The following TUBG1 variants were observed in gnomAD, a reference collection of about 807,000 sequenced individuals.
TUBG1 encodes the protein tubulin gamma-1 chain.
TUBG1 carries 22 observed loss-of-function variants against 53.3 expected under a neutral mutation model. The observed-to-expected ratio is 0.41, with a 90% CI of 0.29 to 0.59. The LOEUF (loss-of-function observed/expected upper bound fraction) is 0.59. Ranked by LOEUF, TUBG1 falls within the 20% of genes least tolerant of loss-of-function variation. The pLI is 0.26. For synonymous variants in TUBG1, 198 were observed against 236.7 expected, an observed-to-expected ratio of 0.84 and a Z score of 1.50; for missense variants, 217 against 598.9, an observed-to-expected ratio of 0.36 and a Z score of 6.66.
At position 42,609,696 on chromosome 17, in the gene TUBG1, G is replaced by T. The variant is rs1370534144; in HGVS notation, c.-42G>T. On this transcript the variant is annotated 5_prime_UTR_variant, in exon 1 of 11. Coordinates refer to ENST00000251413, the MANE Select transcript of TUBG1 (RefSeq NM_001070.5). The stretch of plus-strand genomic sequence containing the variant: ...GGCGAGCGGGCTGGCGTGCGGCGCC[G>T]TTGCGGGCGGGAGCGGCTGCAACGC... 1.3e-6 allele frequency: 2 copies of T among 1,536,498 alleles called. No homozygotes were observed. Among genetic ancestry groups the T allele is most frequent in the South Asian group, 1.2e-5 (1 of 82,310 alleles).
rs541631154 is a variant in TUBG1 at position 42,614,680 on chromosome 17, T to G, written c.1158+23T>G. On this transcript the variant is annotated intron_variant, in intron 10 of 10. Transcript: ENST00000251413. This position sits in a 1 kb window ranked among gnomAD's most constrained non-coding sequence, Gnocchi z 5.1. Reference sequence around the variant, plus strand: ...TCGGTGAGTCTCAAAGTTTGCACCTTTTTTCCCTGAATCAGTTTCCTGACT... The same window carrying G: ...TCGGTGAGTCTCAAAGTTTGCACCTGTTTTCCCTGAATCAGTTTCCTGACT... The G allele has an allele frequency of 1.2e-6, 2 of 1,613,040 alleles. No individual in the cohort carries two copies. Among genetic ancestry groups the G allele is most frequent in the South Asian group, 2.2e-5 (2 of 91,040 alleles).
At position 42,614,432 on chromosome 17, in the gene TUBG1, C is replaced by T; in HGVS notation, c.996+20C>T. ...ACCCAGGTAGGGGAGGCCCCTTCAT[C>T]CCACACCCTGGACCTGCAGGGGTAG... On this transcript the variant is annotated intron_variant, in intron 9 of 10. Transcript: ENST00000251413. This position sits in a 1 kb window ranked among gnomAD's most constrained non-coding sequence, Gnocchi z 5.1. 1 of 1,614,164 alleles carries T rather than the reference C, an allele frequency of 6.2e-7. No homozygotes were observed. Among genetic ancestry groups the T allele is most frequent in the Non-Finnish European group, 8.5e-7 (1 of 1,179,994 alleles).
intron 4 of TUBG1, 82 bp downstream of exon 4, chr17:42,612,225 G>GTCATGT (rs2052041989): frequency 6.8e-7 from 1 of 1,465,112 alleles, no homozygotes; most frequent in South Asian, 1.1e-5. Context: ...TTAGGAACAA[G>GTCATGT]ACCCACTCAT....
Position 42,615,005 on chromosome 17 carries a change from G to T in TUBG1, c.1320G>T (p.Arg440=). 6.2e-7 allele frequency: 1 copy of T among 1,614,148 alleles called. No homozygotes were observed. The highest frequency in any genetic ancestry group is 1.3e-5 in the African/African-American group (1 of 75,052). ...QLIDEYHAAT[R]PDYISWGTQE... is the part of the protein sequence containing the mutation. Reference sequence around the variant, plus strand: ...TCGATGAGTACCATGCGGCCACACGGCCAGACTACATCTCCTGGGGCACCC... The same window carrying T: ...TCGATGAGTACCATGCGGCCACACGTCCAGACTACATCTCCTGGGGCACCC... The change falls in exon 11 of 11, where the codon CGG becomes CGT. Residue 440 remains arginine (R), a synonymous_variant. Transcript: ENST00000251413.
Position 42,609,797 on chromosome 17 carries a change from C to A in TUBG1, c.49+11C>A, listed in dbSNP as rs1202777820. The A allele has an allele frequency of 6.4e-7, 1 of 1,551,116 alleles. No individual in the cohort carries two copies. The highest frequency in any genetic ancestry group is 1.7e-4 in the Middle Eastern group (1 of 5,992). ...AGTGCGGCAATCAGAGTGAGCGAAA[C>A]TCCGGCCCCTCAGCTAGCCAGGTTC... On this transcript the variant is annotated intron_variant, in intron 1 of 10. Coordinates refer to ENST00000251413, the MANE Select transcript of TUBG1 (RefSeq NM_001070.5).
chr17:42,613,754 T>G (rs1203602773), intron 7 of TUBG1, 21 bp downstream of exon 7: 4 of 1,614,092 alleles, frequency 2.5e-6, no homozygotes, highest in Non-Finnish European at 3.4e-6. Context: ...ACTCCTGGAC[T>G]CCTTTGGACT....
Position 42,614,415 on chromosome 17 carries a change from AG to A in TUBG1, c.996+7del. On this transcript the variant is annotated splice_donor_region_variant and intron_variant, in intron 9 of 10. Coordinates refer to ENST00000251413, the MANE Select transcript of TUBG1 (RefSeq NM_001070.5). This position sits in a 1 kb window ranked among gnomAD's most constrained non-coding sequence, Gnocchi z 5.1. ...AGGGAGAGGTGGACCCCACCCAGGTAGGGGAGGCCCCTTCATCCCACACCCT... is the reference window on the plus strand; with the variant it reads ...AGGGAGAGGTGGACCCCACCCAGGTAGGGAGGCCCCTTCATCCCACACCCT... 6.2e-7 allele frequency: 1 copy of A among 1,613,956 alleles called. No homozygotes were observed. Among genetic ancestry groups the A allele is most frequent in the African/African-American group, 1.3e-5 (1 of 74,920 alleles).
In TUBG1 at chr17:42,614,909, C is replaced by CCG. The variant is rs778862321; in HGVS notation, c.1226_1227dup (p.Lys410AlafsTer102). On this transcript the variant is annotated frameshift_variant, in exon 11 of 11. Coordinates refer to ENST00000251413, the MANE Select transcript of TUBG1 (RefSeq NM_001070.5). LOFTEE classifies it high-confidence loss of function. This position sits in a 1 kb window ranked among gnomAD's most constrained non-coding sequence, Gnocchi z 5.1. ...AGCGGGAGGCCTTCCTGGAGCAGTT[C>CCG]CGCAAGGAGGACATGTTCAAGGACA... 3 of 1,614,124 alleles carry CCG rather than the reference C, an allele frequency of 1.9e-6. No homozygotes were observed. The African/African-American group carries it at 4.0e-5, about 22-fold the overall frequency.
chr17:42,614,072 T>A lies in TUBG1; in HGVS notation c.843+74T>A. On this transcript the variant is annotated intron_variant, in intron 8 of 10. Coordinates refer to ENST00000251413, the MANE Select transcript of TUBG1 (RefSeq NM_001070.5). The surrounding 1 kb of genome is among the most constrained non-coding windows in gnomAD (Gnocchi z 5.1). ...AGGCCCTGTCCTAGCCTTTCTCTCT[T>A]CCCCACTGCCCCAGGAGCTACCCTT... is the stretch of plus-strand genomic sequence containing the variant. 1 of 1,605,764 alleles carries A rather than the reference T, an allele frequency of 6.2e-7. No individual in the cohort carries two copies. Among genetic ancestry groups the A allele is most frequent in the Non-Finnish European group, 8.5e-7 (1 of 1,175,332 alleles).
rs564223919 is a variant in TUBG1, at chr17:42,610,089, G to A, written c.50-19G>A. On this transcript the variant is annotated intron_variant, in intron 1 of 10. Coordinates refer to ENST00000251413, the MANE Select transcript of TUBG1 (RefSeq NM_001070.5). ...GACCTAGATATCTTCTTTCTCCCCT[G>A]CCCGCCCCTTCCCCCCAGTTGGGTT... 17 of 1,613,824 alleles carry A rather than the reference G, an allele frequency of 1.1e-5. No individual in the cohort carries two copies. In the African/African-American group the frequency reaches 1.9e-4, roughly 18 times the overall value.
At chr17:42,609,942 C>A (rs1188799634) in intron 1 of TUBG1, among the ~76,000 whole-genome samples, 156 bp downstream of exon 1, 4 of 152,174 alleles carry the variant, frequency 2.6e-5, no homozygotes, top group Non-Finnish European at 5.9e-5. Flanking sequence ...CCCCGAGGGG[C>A]CCTCCCCTGC....
intron 3 of TUBG1, 21 bp downstream of exon 3, chr17:42,610,611 A>G (rs1289318943): frequency 6.2e-7 from 1 of 1,614,058 alleles, no homozygotes; most frequent in Non-Finnish European, 8.5e-7. Flanking sequence ...ATTCCCTGGC[A>G]GGGCCCACAA....
At position 42,611,971 on chromosome 17, in the gene TUBG1, A is replaced by C. The variant is rs957172648; in HGVS notation, c.331-104A>C. 9 of 1,017,962 alleles carry C rather than the reference A, an allele frequency of 8.8e-6. No individual in the cohort carries two copies. The African/African-American group carries it at 1.1e-4, about 12-fold the overall frequency. 63.1% of individuals were successfully genotyped at this position (1,017,962 alleles called of 1,614,324 possible). On this transcript the variant is annotated intron_variant, in intron 3 of 10. Transcript: ENST00000251413. ...ATAAAAGCAGGTAGCTATGCTCCAT[A>C]AAAGGACTTCTGGGTGTTATAAGGA...
chr17:42,614,918 G>A lies in TUBG1; in HGVS notation c.1233G>A (p.Glu411=). 6.2e-7 allele frequency: 1 copy of A among 1,614,256 alleles called. No individual in the cohort carries two copies. The highest frequency in any genetic ancestry group is 8.5e-7 in the Non-Finnish European group (1 of 1,180,044). Residue 411 remains glutamate (E), a synonymous_variant, in exon 11 of 11, where the codon GAG becomes GAA. Transcript: ENST00000251413. This position sits in a 1 kb window ranked among gnomAD's most constrained non-coding sequence, Gnocchi z 5.1. ...CCTTCCTGGAGCAGTTCCGCAAGGA[G>A]GACATGTTCAAGGACAACTTTGATG... The part of the protein sequence containing the change: ...REAFLEQFRK[E]DMFKDNFDEM...
At chr17:42,613,112 C>T (rs764885152) in intron 6 of TUBG1, 39 bp downstream of exon 6, 1 of 1,598,654 alleles carries the variant, frequency 6.3e-7, no homozygotes. Flanking sequence ...TCTCAACACC[C>T]CATACCCACT....
At position 42,610,091 on chromosome 17, in the gene TUBG1, C is replaced by G; in HGVS notation, c.50-17C>G. 1 of 1,613,990 alleles carries G rather than the reference C, an allele frequency of 6.2e-7. No homozygotes were observed. Among genetic ancestry groups the G allele is most frequent in the Non-Finnish European group, 8.5e-7 (1 of 1,179,898 alleles). On this transcript the variant is annotated splice_polypyrimidine_tract_variant and intron_variant, in intron 1 of 10. Coordinates refer to ENST00000251413, the MANE Select transcript of TUBG1 (RefSeq NM_001070.5). ...CCTAGATATCTTCTTTCTCCCCTGC[C>G]CGCCCCTTCCCCCCAGTTGGGTTCG...
intron 1 of TUBG1, 48 bp from the exon 2 acceptor site, chr17:42,610,060 C>G (rs2052019034): frequency 1.2e-6 from 2 of 1,607,800 alleles, no homozygotes; most frequent in Non-Finnish European, 1.7e-6. Flanking sequence ...TTGGAACCTG[C>G]CCGGACCTAG....
Position 42,612,505 on chromosome 17 carries a change from A to C in TUBG1, c.478A>C (p.Arg160=), listed in dbSNP as rs1332750953. The change falls in exon 5 of 11, where the codon AGG becomes CGG. Residue 160 remains arginine, a splice_region_variant and synonymous_variant. Transcript: ENST00000251413. ...CTACCTCTTAGAACGGCTGAATGAC[A>C]GGTAAGTTTGTGTTTGGGGATTAGG... The part of the protein sequence containing the change: ...GSYLLERLND[R]YPKKLVQTYS... 1 of 1,614,030 alleles carries C rather than the reference A, an allele frequency of 6.2e-7. No homozygotes were observed. Among genetic ancestry groups the C allele is most frequent in the Non-Finnish European group, 8.5e-7 (1 of 1,179,950 alleles).
chr17:42,614,026 C>A lies in TUBG1; in HGVS notation c.843+28C>A, dbSNP rs1359824433. The A allele has an allele frequency of 6.2e-7, 1 of 1,613,984 alleles. No homozygotes were observed. Among genetic ancestry groups the A allele is most frequent in the Non-Finnish European group, 8.5e-7 (1 of 1,179,988 alleles). On this transcript the variant is annotated intron_variant, in intron 8 of 10. Transcript: ENST00000251413. This position sits in a 1 kb window ranked among gnomAD's most constrained non-coding sequence, Gnocchi z 5.1. ...AAGAGCAGCCTTCAGTGTCCCAGGC[C>A]AGGCCGGCCCTGGGCCCAACAGGCC...
Sources: gnomAD v4.1 joint callset for allele counts (sites outside exome capture counted in the v4.1 genomes callset) on GRCh38, gnomAD v4.1.1 for gene constraint, Gnocchi (gnomAD v3.1) non-coding constraint, MANE v1.5 for transcripts, NCBI Gene and HGNC (gene_info 2026-07-23, HGNC 2026-07-21) for gene names.